Variants in VIT observed in about 807,000 individuals in gnomAD.
VIT encodes vitrin.
VIT carries 99 observed loss-of-function variants against 78.0 expected under a neutral mutation model. That is an observed-to-expected ratio of 1.27 (90% CI 1.08 to 1.50). The LOEUF is 1.50. Ranked by LOEUF, VIT falls within the 40% of genes most tolerant of loss-of-function variation. The probability of loss-of-function intolerance (pLI) is 0.00; values close to 1 mark genes in which losing one functional copy is unlikely to be tolerated. For missense variants in VIT, 1,126 were observed against 875.3 expected (o/e 1.29, Z -3.61); for synonymous variants, 374 against 334.3 (o/e 1.12, Z -1.29).
chr2:36,702,609 C>G lies in VIT; in HGVS notation c.-19+5636C>G, dbSNP rs181176573. Among the ~76,000 whole-genome samples the G allele has an allele frequency of 8.6e-4, 131 of 152,266 alleles. 1 individual carries two copies. The highest frequency in any genetic ancestry group is 3.0e-3 in the African/African-American group (123 of 41,556). ...TTCTTTCTCTGCCTTGCGCCTTTAC[C>G]TCTCTTCCCCTTGGCCACCAACGGT... On this transcript the variant is annotated intron_variant, in intron 1 of 15. Transcript: ENST00000379242.
At chr2:36,750,665 A>G (rs1668403501) in intron 4 of VIT, among the ~76,000 whole-genome samples, 1 of 151,952 alleles carries the variant, frequency 6.6e-6, no homozygotes, top group Non-Finnish European at 1.5e-5. Flanking sequence ...TACTAAAAAT[A>G]CAAAAATTAG....
chr2:36,808,166 G>T (rs1248526086), intron 14 of VIT, among the ~76,000 whole-genome samples: 1 of 152,226 alleles, frequency 6.6e-6, no homozygotes, highest in African/African-American at 2.4e-5. Flanking sequence ...GGAGCCCGGA[G>T]AAGCATAAAT....
intron 2 of VIT, among the ~76,000 whole-genome samples, chr2:36,722,417 T>G (rs2012248): frequency 0.52 from 79,728 of 152,028 alleles, 21,605 homozygotes; most frequent in Admixed American, 0.64. Context: ...GCTTTAAATA[T>G]CCTATGATTT....
At chr2:36,794,188 G>T (rs1665700361) in intron 12 of VIT, among the ~76,000 whole-genome samples, 1 of 152,122 alleles carries the variant, frequency 6.6e-6, no homozygotes, top group African/African-American at 2.4e-5. Flanking sequence ...TTTTAGGCAT[G>T]GCCAACTTCT....
In VIT at chr2:36,808,725, G is replaced by T. The variant is rs748521057; in HGVS notation, c.1643G>T (p.Arg548Leu). ...TTTGAGATTTCCGACACGGACACGC[G>T]CATCGGGGCCGTGCAGTACACCTAC... ...KEFEISDTDT[R>L]IGAVQYTYEQ... is the part of the protein sequence containing the mutation. Residue 548 changes from arginine to leucine, a missense_variant, in exon 15 of 16, where the codon CGC (arginine) becomes CTC (leucine). Arg to Leu is a moderately radical substitution (Grantham distance 102). Transcript: ENST00000379242. The T allele has an allele frequency of 4.3e-6, 7 of 1,614,200 alleles. No homozygotes were observed. The South Asian group carries it at 6.6e-5, about 15-fold the overall frequency.
intron 7 of VIT, among the ~76,000 whole-genome samples, chr2:36,769,247 A>G (rs569028321): frequency 9.8e-5 from 15 of 152,322 alleles, no homozygotes; most frequent in African/African-American, 3.6e-4. Flanking sequence ...AGGACTTTAA[A>G]TTCTTACATA....
At chr2:36,811,589 A>C (rs961160514) in intron 15 of VIT, among the ~76,000 whole-genome samples, 5 of 152,142 alleles carry the variant, frequency 3.3e-5, no homozygotes, top group Admixed American at 2.6e-4. Context: ...ATCTGTTAGA[A>C]TTGCCAGTAG....
chr2:36,760,932 G>T (rs1346638670), intron 6 of VIT, among the ~76,000 whole-genome samples: 1 of 152,134 alleles, frequency 6.6e-6, no homozygotes, highest in African/African-American at 2.4e-5. Context: ...GAGCCCTGCT[G>T]GCATGAGCCA....
rs1411146711 is a variant in VIT at position 36,761,332 on chromosome 2, C to T, written c.487+2286C>T. On this transcript the variant is annotated intron_variant, in intron 6 of 15. Transcript: ENST00000379242. ...GTGGCTTCTGACCCCTCCTGTTTTT[C>T]GGGTCCTTTCCTTCTGTCCACTGGC... is the stretch of plus-strand genomic sequence containing the variant. Among the ~76,000 whole-genome samples, 7 of 152,182 alleles carry T rather than the reference C, an allele frequency of 4.6e-5. No homozygotes were observed. In the South Asian group the frequency reaches 8.3e-4, roughly 18 times the overall value.
At chr2:36,775,855 C>T (rs181209080) in intron 9 of VIT, among the ~76,000 whole-genome samples, 1 of 152,110 alleles carries the variant, frequency 6.6e-6, no homozygotes, top group African/African-American at 2.4e-5. Flanking sequence ...CATTATGGCT[C>T]CTACAGGGGA....
chr2:36,707,563 C>G (rs1430894879), intron 1 of VIT, among the ~76,000 whole-genome samples: 7 of 152,204 alleles, frequency 4.6e-5, no homozygotes, highest in African/African-American at 1.7e-4. Context: ...GTTTAACCAT[C>G]CTTGCCTTAT....
intron 3 of VIT, among the ~76,000 whole-genome samples, chr2:36,733,959 G>A (rs543317810): frequency 6.6e-6 from 1 of 152,322 alleles, no homozygotes; most frequent in East Asian, 1.9e-4. Context: ...AAAGTGAAAT[G>A]ATAAAAGCAG....
intron 6 of VIT, among the ~76,000 whole-genome samples, chr2:36,765,533 C>T (rs141819110): frequency 2.0e-5 from 3 of 152,224 alleles, no homozygotes; most frequent in Non-Finnish European, 2.9e-5. Context: ...CCCCCATGAT[C>T]CAATCACCTT....
chr2:36,813,531 C>A (rs968773504), intron 15 of VIT, among the ~76,000 whole-genome samples: 1 of 152,058 alleles, frequency 6.6e-6, no homozygotes, highest in African/African-American at 2.4e-5. Flanking sequence ...GTGTTGGACA[C>A]CCCTTTCTTT....
intron 1 of VIT, among the ~76,000 whole-genome samples, chr2:36,698,370 G>C (rs1664801250): frequency 6.6e-6 from 1 of 152,148 alleles, no homozygotes; most frequent in African/African-American, 2.4e-5. Context: ...AAATACATGA[G>C]GTTTGAGAAT....
chr2:36,755,034 G>C lies in VIT; in HGVS notation c.389G>C (p.Arg130Thr), dbSNP rs368472585. ...CAATCGTTATCCCTACCACGATGGA[G>C]AGAATCCTTTATCGTCTTAGGTATG... ...GVQSLSLPRW[R>T]ESFIVLESKP... Residue 130 changes from arginine (R) to threonine (T), a missense_variant, in exon 5 of 16, where the codon AGA (arginine) becomes ACA (threonine). Physicochemically the swap from Arg to Thr is moderately conservative, Grantham distance 71. Coordinates refer to ENST00000379242, the MANE Select transcript of VIT (RefSeq NM_053276.4). The C allele has an allele frequency of 5.6e-6, 9 of 1,614,034 alleles. No homozygotes were observed. The highest frequency in any genetic ancestry group is 1.6e-4 in the Middle Eastern group (1 of 6,084).
intron 1 of VIT, among the ~76,000 whole-genome samples, chr2:36,715,036 C>T (rs1666037568): frequency 6.6e-6 from 1 of 152,174 alleles, no homozygotes; most frequent in African/African-American, 2.4e-5. Flanking sequence ...CCACTTCTCT[C>T]CTATTTCTGC....
At chr2:36,747,242 T>A (rs1216007982) in intron 4 of VIT, among the ~76,000 whole-genome samples, 1 of 152,168 alleles carries the variant, frequency 6.6e-6, no homozygotes, top group Non-Finnish European at 1.5e-5. Context: ...ATAGAGTATG[T>A]TCTATGTGCA....
At chr2:36,810,852 T>A (rs912833499) in intron 15 of VIT, among the ~76,000 whole-genome samples, 1 of 152,210 alleles carries the variant, frequency 6.6e-6, no homozygotes, top group Non-Finnish European at 1.5e-5. Flanking sequence ...CAGGCTTTTC[T>A]TGAACTCCTG....
Sources: gnomAD v4.1 joint callset for allele counts (sites outside exome capture counted in the v4.1 genomes callset) on GRCh38, gnomAD v4.1.1 for gene constraint, MANE v1.5 for transcripts, NCBI Gene and HGNC (gene_info 2026-07-23, HGNC 2026-07-21) for gene names.